Variants in SLC23A1 observed in about 807,000 individuals in gnomAD.
The protein encoded by SLC23A1 is solute carrier family 23 member 1.
A neutral mutation model predicts 62.5 loss-of-function variants in SLC23A1; 31 were observed. The observed-to-expected ratio is 0.50, with a 90% CI of 0.37 to 0.67. SLC23A1 has a LOEUF of 0.67. Ranked by LOEUF, SLC23A1 falls within the 30% of genes least tolerant of loss-of-function variation. SLC23A1 has a pLI of 0.00. For missense variants in SLC23A1, 640 were observed against 782.7 expected, an observed-to-expected ratio of 0.82 and a Z score of 2.18; for synonymous variants, 271 against 313.2, an observed-to-expected ratio of 0.87 and a Z score of 1.42.
intron 14 of SLC23A1, among the ~76,000 whole-genome samples, chr5:139,370,893 C>G (rs967051863): frequency 1.3e-5 from 2 of 151,940 alleles, no homozygotes; most frequent in Admixed American, 6.6e-5. Flanking sequence ...GAGTTTGAGA[C>G]CAGCCTGGCC....
chr5:139,383,446 C>T (rs1758389081), upstream of SLC23A1: 6 of 1,253,616 alleles, frequency 4.8e-6, no homozygotes, highest in Non-Finnish European at 3.1e-6. Flanking sequence ...GTAAAAGCCA[C>T]CCAAGCCTCT....
At chr5:139,382,668 C>T (rs1758335871) in intron 1 of SLC23A1, 63 bp from the exon 2 acceptor site, 3 of 1,035,478 alleles carry the variant, frequency 2.9e-6, no homozygotes, top group Non-Finnish European at 4.5e-6. Flanking sequence ...ATCCATTCTG[C>T]CCCAGAATCA....
chr5:139,381,977 C>T lies in SLC23A1; in HGVS notation c.223G>A (p.Asp75Asn), dbSNP rs376047353. The T allele has an allele frequency of 3.7e-6, 6 of 1,600,688 alleles. No individual in the cohort carries two copies. Among genetic ancestry groups the T allele is most frequent in the Non-Finnish European group, 5.1e-6 (6 of 1,173,966 alleles). ...ATGAGCTGACTAACCATGTGCTGGT[C>T]GTGGCCCACACACAGCGCCTCAGCC... ...LLAEALCVGH[D>N]QHMVSQLIGT... is the part of the protein sequence containing the mutation. Residue 75 changes from aspartate (D) to asparagine (N), a missense_variant, in exon 3 of 15, where the codon GAC becomes AAC. Asp to Asn is a conservative substitution (Grantham distance 23). Transcript: ENST00000348729.
intron 13 of SLC23A1, among the ~76,000 whole-genome samples, chr5:139,374,010 G>A (rs1757820314): frequency 1.3e-5 from 2 of 152,020 alleles, no homozygotes; most frequent in South Asian, 4.1e-4. Flanking sequence ...CTTTTTCCTA[G>A]GCCTCACCTA....
At chr5:139,381,830 C>A in intron 3 of SLC23A1, 62 bp downstream of exon 3, 1 of 1,390,540 alleles carries the variant, frequency 7.2e-7, no homozygotes, top group Non-Finnish European at 9.9e-7. Context: ...CCCACCTGCT[C>A]CTGCTGTGTG....
rs1757580664 is a variant in SLC23A1, at chr5:139,370,407, G to A, written c.*19+1580C>T. Among the ~76,000 whole-genome samples, 4 of 152,226 alleles carry A rather than the reference G, an allele frequency of 2.6e-5. No individual in the cohort carries two copies. In the South Asian group the frequency reaches 8.3e-4, roughly 32 times the overall value. On this transcript the variant is annotated intron_variant, in intron 14 of 14. Transcript: ENST00000348729. The stretch of plus-strand genomic sequence containing the variant: ...GCTGGTCTTGAACTCCTGACTTCAG[G>A]TTATCCACCTGCCTCGGCCTCCCAA...
Position 139,380,577 on chromosome 5 carries a change from T to G in SLC23A1, c.453A>C (p.Pro151=). The G allele has an allele frequency of 6.2e-7, 1 of 1,614,042 alleles. No homozygotes were observed. The highest frequency in any genetic ancestry group is 1.3e-5 in the African/African-American group (1 of 75,016). ...LPLNTSHIWH[P]RIREVQGAIM... is the part of the protein sequence containing the mutation. ...CATGCAAACCCACCTCCCGTATCCG[T>G]GGGTGCCAAATATGAGAGGTGTTCA... Residue 151 remains proline (P), a synonymous_variant, in exon 5 of 15, where the codon CCA becomes CCC. Transcript: ENST00000348729.
At position 139,371,978 on chromosome 5, in the gene SLC23A1, A is replaced by C. The variant is rs753697913; in HGVS notation, c.*19+9T>G. On this transcript the variant is annotated intron_variant, in intron 14 of 14. Transcript: ENST00000348729. ...CAACCCTCCCACAAAAACCATAGAC[A>C]CATCCTACCTTTCCTGGAAGTCATT... 6 of 1,606,874 alleles carry C rather than the reference A, an allele frequency of 3.7e-6. No individual in the cohort carries two copies. The South Asian group carries it at 6.6e-5, about 18-fold the overall frequency.
At chr5:139,380,917 G>C (rs1301332284) in intron 3 of SLC23A1, 31 bp from the exon 4 acceptor site, 1 of 808,184 alleles carries the variant, frequency 1.2e-6, no homozygotes, top group African/African-American at 1.7e-5. Context: ...AACAGGGGTG[G>C]GGAGGGGCGG....
intron 14 of SLC23A1, chr5:139,369,789 C>T (rs1477672571): frequency 3.9e-5 from 6 of 152,246 alleles, no homozygotes; most frequent in Non-Finnish European, 7.3e-5. Flanking sequence ...GGCCCAGTGC[C>T]TCAGGACAAT....
chr5:139,384,419 C>G (rs11242462), upstream of SLC23A1: 4 of 1,289,572 alleles, frequency 3.1e-6, no homozygotes, highest in Admixed American at 9.2e-5. Flanking sequence ...GCACCGCTCT[C>G]CAGCTGGGCA....
At position 139,379,943 on chromosome 5, in the gene SLC23A1, G is replaced by A. The variant is rs927847144; in HGVS notation, c.768+13C>T. 1 of 1,614,034 alleles carries A rather than the reference G, an allele frequency of 6.2e-7. No homozygotes were observed. The highest frequency in any genetic ancestry group is 8.5e-7 in the Non-Finnish European group (1 of 1,179,970). On this transcript the variant is annotated intron_variant, in intron 7 of 14. Coordinates refer to ENST00000348729, the MANE Select transcript of SLC23A1 (RefSeq NM_005847.5). This position sits in a 1 kb window ranked among gnomAD's most constrained non-coding sequence, Gnocchi z 4.7. Reference sequence around the variant, plus strand: ...GCCATAGTCCCAGCCCCAGCCGCCTGCCAGGTCCTCACAGGAAACATTTTG... The same window carrying A: ...GCCATAGTCCCAGCCCCAGCCGCCTACCAGGTCCTCACAGGAAACATTTTG...
At chr5:139,380,425 A>G (rs1364457477) in intron 5 of SLC23A1, 36 bp from the exon 6 acceptor site, 2 of 1,612,526 alleles carry the variant, frequency 1.2e-6, no homozygotes. Flanking sequence ...GTCACCATGT[A>G]AAGGTCATGA....
Position 139,380,288 on chromosome 5 carries a change from G to A in SLC23A1, c.567C>T (p.Thr189=), listed in dbSNP as rs1323104944. ...LLNYIGPLTV[T]PTVSLIGLSV... ...AAAGGCCAATGAGGGAGACAGTGGGGGTGACTGTGAGAGGCCCAATGTAGT... is the reference window on the plus strand; with the variant it reads ...AAAGGCCAATGAGGGAGACAGTGGGAGTGACTGTGAGAGGCCCAATGTAGT... Residue 189 remains threonine (T), a synonymous_variant, in exon 6 of 15, where the codon ACC becomes ACT. Transcript: ENST00000348729. The A allele has an allele frequency of 6.3e-7, 1 of 1,595,816 alleles. No individual in the cohort carries two copies. The highest frequency in any genetic ancestry group is 1.1e-5 in the South Asian group (1 of 88,468).
At chr5:139,371,960 C>G in intron 14 of SLC23A1, 27 bp downstream of exon 14, 1 of 1,574,772 alleles carries the variant, frequency 6.4e-7, no homozygotes, top group South Asian at 1.1e-5. Context: ...ATTCAACCCT[C>G]CCACAAAAAC....
rs1331442452 is a variant in SLC23A1 at position 139,380,085 on chromosome 5, A to G, written c.648-9T>C. On this transcript the variant is annotated splice_polypyrimidine_tract_variant and intron_variant, in intron 6 of 14. Transcript: ENST00000348729. ...TGATCAGGAGAATGGAGCTGGGGGC[A>G]GAGGCACAATCAGGAAGTGGATGGG... 1.9e-6 allele frequency: 3 copies of G among 1,604,640 alleles called. No homozygotes were observed. The highest frequency in any genetic ancestry group is 2.6e-6 in the Non-Finnish European group (3 of 1,175,302).
chr5:139,384,696 A>G, upstream of SLC23A1: 1 of 1,193,476 alleles, frequency 8.4e-7, no homozygotes, highest in Non-Finnish European at 1.1e-6. Flanking sequence ...ACACGCATAG[A>G]GAACAAGGTG....
intron 13 of SLC23A1, among the ~76,000 whole-genome samples, chr5:139,373,165 T>C (rs1177768002): frequency 6.6e-6 from 1 of 151,948 alleles, no homozygotes; most frequent in Non-Finnish European, 1.5e-5. Context: ...TTTTTTTGTG[T>C]TGTGTTTTTT....
chr5:139,373,175 T>TTTG (rs963982098), intron 13 of SLC23A1, among the ~76,000 whole-genome samples: 3 of 152,040 alleles, frequency 2.0e-5, no homozygotes, highest in South Asian at 2.1e-4. Context: ...TTGTGTTTTT[T>TTTG]TTGTTGTTGT....
Sources: allele counts gnomAD v4.1 joint callset (sites outside exome capture counted in the v4.1 genomes callset), GRCh38; gene constraint gnomAD v4.1.1; non-coding constraint Gnocchi (gnomAD v3.1); transcripts MANE v1.5; gene names NCBI Gene and HGNC (gene_info 2026-07-23, HGNC 2026-07-21).